The following AFF1 variants were observed in gnomAD, a reference collection of about 807,000 sequenced individuals.
The protein encoded by AFF1 is AF4/FMR2 family member 1.
Under a neutral mutation model 121.7 loss-of-function variants are expected in AFF1, and 48 were observed. That is an observed-to-expected ratio of 0.39 (90% CI 0.31 to 0.50). The LOEUF is 0.50. Among genes scored for constraint, AFF1 ranks in the 20% least tolerant of loss-of-function variants. The probability of loss-of-function intolerance (pLI) is 0.76; values close to 1 mark genes in which losing one functional copy is unlikely to be tolerated. For synonymous variants in AFF1, 613 were observed against 563.0 expected (o/e 1.09, Z -1.26); for missense variants, 1,523 against 1,511.7 (o/e 1.01, Z -0.12).
intron 2 of AFF1, among the ~76,000 whole-genome samples, chr4:87,016,692 A>G (rs1727335021): frequency 6.6e-6 from 1 of 152,170 alleles, no homozygotes; most frequent in Non-Finnish European, 1.5e-5. Context: ...CATACCTGGT[A>G]AGATCCCTCC....
At chr4:86,950,816 A>G (rs1721251367) in intron 2 of AFF1, among the ~76,000 whole-genome samples, 1 of 152,208 alleles carries the variant, frequency 6.6e-6, no homozygotes, top group Non-Finnish European at 1.5e-5. Context: ...AGGTTTATTC[A>G]TAATGTTGGG....
At chr4:87,001,645 G>A (rs762367503) in intron 2 of AFF1, among the ~76,000 whole-genome samples, 1 of 152,158 alleles carries the variant, frequency 6.6e-6, no homozygotes, top group Non-Finnish European at 1.5e-5. Context: ...AGAATCTCCA[G>A]GTAACCCCAG....
chr4:86,975,586 A>G (rs1374624377), intron 2 of AFF1, among the ~76,000 whole-genome samples: 1 of 152,180 alleles, frequency 6.6e-6, no homozygotes, highest in East Asian at 1.9e-4. Flanking sequence ...CAGTCCAACA[A>G]ATAGTTATTG....
At chr4:86,952,684 CAA>C (rs1721440228) in intron 2 of AFF1, among the ~76,000 whole-genome samples, 1 of 142,788 alleles carries the variant, frequency 7.0e-6, no homozygotes. Flanking sequence ...AACAAAAACA[CAA>C]CTTTTTTTTT....
At chr4:87,026,950 T>C (rs980659071) in intron 2 of AFF1, among the ~76,000 whole-genome samples, 1 of 152,186 alleles carries the variant, frequency 6.6e-6, no homozygotes, top group East Asian at 1.9e-4. Context: ...AAAAACACTT[T>C]GAAATATGAA....
intron 4 of AFF1, among the ~76,000 whole-genome samples, chr4:87,079,402 A>T (rs567206796): frequency 6.6e-6 from 1 of 152,358 alleles, no homozygotes; most frequent in African/African-American, 2.4e-5. Flanking sequence ...GTGAGAAATC[A>T]GGCCACGGCC....
In AFF1 at chr4:87,007,338, GC is replaced by G. The variant is rs923261079; in HGVS notation, c.39-38827del. The G allele has an allele frequency of 5.8e-5, 94 of 1,609,196 alleles. No individual in the cohort carries two copies. The Admixed American group carries it at 1.6e-3, about 27-fold the overall frequency. On this transcript the variant is annotated intron_variant, in intron 2 of 20. Transcript: ENST00000395146. ...CCGGCTCCGCCAAATGGTGAGCGCGGCGCTGGCAGCAGGGCCCGCGGGGTGA... is the reference window on the plus strand; with the variant it reads ...CCGGCTCCGCCAAATGGTGAGCGCGGGCTGGCAGCAGGGCCCGCGGGGTGA...
At chr4:87,007,928 G>A (rs186515357) in intron 2 of AFF1, among the ~76,000 whole-genome samples, 2 of 152,280 alleles carry the variant, frequency 1.3e-5, no homozygotes, top group African/African-American at 4.8e-5. Flanking sequence ...CCCCGCTTAC[G>A]TGAATCTGCT....
At chr4:87,126,875 C>T in intron 14 of AFF1, 151 bp from the exon 15 acceptor site, 1 of 650,508 alleles carries the variant, frequency 1.5e-6, no homozygotes, top group Non-Finnish European at 2.6e-6. Flanking sequence ...GAATCTGTAG[C>T]TGAGGAAGTG....
intron 4 of AFF1, among the ~76,000 whole-genome samples, chr4:87,053,747 C>T (rs1284933303): frequency 6.6e-6 from 1 of 152,214 alleles, no homozygotes. Context: ...TTCCAGTCCT[C>T]TTGGATCTTA....
Position 86,972,131 on chromosome 4 carries a change from C to CA in AFF1, c.38+23589dup, listed in dbSNP as rs59683267. On this transcript the variant is annotated intron_variant, in intron 2 of 20. Coordinates refer to ENST00000395146, the MANE Select transcript of AFF1 (RefSeq NM_001166693.3). ...ACCTGGGCAGAGCCAGAGCTTGTCT[C>CA]AAAAAAAAAAAAAAAAAAAAAAAAA... is the stretch of plus-strand genomic sequence containing the variant. 8.7e-3 allele frequency among the ~76,000 whole-genome samples: 505 copies of CA among 57,956 alleles called. 36 individuals carry two copies. The highest frequency in any genetic ancestry group is 0.054 in the East Asian group (80 of 1,486). The allele number at this position is 57,956 out of a possible 152,430, so 38.0% of individuals were successfully genotyped here.
intron 4 of AFF1, among the ~76,000 whole-genome samples, chr4:87,070,390 G>A (rs905657341): frequency 6.6e-6 from 1 of 152,202 alleles, no homozygotes. Context: ...ACCTGCCTCG[G>A]CCTCCCAAAA....
chr4:86,954,115 TCA>T (rs1471068344), intron 2 of AFF1, among the ~76,000 whole-genome samples: 1 of 152,230 alleles, frequency 6.6e-6, no homozygotes, highest in African/African-American at 2.4e-5. Flanking sequence ...TTAAAAGTCA[TCA>T]CTGTTCTGAC....
chr4:87,076,560 A>C (rs1722694001), intron 4 of AFF1, among the ~76,000 whole-genome samples: 1 of 152,234 alleles, frequency 6.6e-6, no homozygotes, highest in African/African-American at 2.4e-5. Flanking sequence ...AACTTAATGT[A>C]ATAATACTTT....
Position 87,131,820 on chromosome 4 carries a change from A to G in AFF1, c.3129A>G (p.Ser1043=). Residue 1043 remains serine (S), a synonymous_variant, in exon 18 of 21, where the codon TCA becomes TCG. Coordinates refer to ENST00000395146, the MANE Select transcript of AFF1 (RefSeq NM_001166693.3). ...TCATAATGTCATTAAAATCCTTCTCAGATGCCACAGCGCCAACACAAGAGA... is the reference window on the plus strand; with the variant it reads ...TCATAATGTCATTAAAATCCTTCTCGGATGCCACAGCGCCAACACAAGAGA... The part of the protein sequence containing the change: ...IKFIMSLKSF[S]DATAPTQEKI... 1 of 1,597,004 alleles carries G rather than the reference A, an allele frequency of 6.3e-7. No individual in the cohort carries two copies. Among genetic ancestry groups the G allele is most frequent in the South Asian group, 1.2e-5 (1 of 86,940 alleles).
At chr4:86,935,313 C>T (rs1176372414) in intron 1 of AFF1, 73 bp downstream of exon 1, 1 of 152,514 alleles carries the variant, frequency 6.6e-6, no homozygotes, top group African/African-American at 2.4e-5. Context: ...CCGCGGACTT[C>T]TCGGAAGCCG....
At chr4:87,126,580 T>C (rs1728270579) in intron 14 of AFF1, among the ~76,000 whole-genome samples, 1 of 152,224 alleles carries the variant, frequency 6.6e-6, no homozygotes, top group African/African-American at 2.4e-5. Context: ...AAATAGATTT[T>C]TGTGCTAGTT....
intron 4 of AFF1, among the ~76,000 whole-genome samples, chr4:87,065,983 T>C (rs2149665020): frequency 6.6e-6 from 1 of 152,336 alleles, no homozygotes; most frequent in South Asian, 2.1e-4. Context: ...TTATTAGATA[T>C]ATAGGTTCAA....
rs200864767 is a variant in AFF1 at position 87,047,227 on chromosome 4, C to T, written c.692C>T (p.Thr231Met). Residue 231 changes from threonine (T) to methionine (M), a missense_variant, in exon 4 of 21, where the codon ACG (threonine) becomes ATG (methionine). Physicochemically the swap from Thr to Met is moderately conservative, Grantham distance 81. Around this residue, in one of 5 missense-constraint regions of AFF1, gnomAD observed 369 missense variants for 367.2 expected, o/e 1.00. Transcript: ENST00000395146. ...TCCAACCAGCAAACTCTTCCCCGGA[C>T]GCAAGGAAGCAGCAAGGTTCATGGC... ...IHSNQQTLPR[T>M]QGSSKVHGSS... 216 of 1,614,046 alleles carry T rather than the reference C, an allele frequency of 1.3e-4. No individual in the cohort carries two copies. Among genetic ancestry groups the T allele is most frequent in the Middle Eastern group, 1.6e-4 (1 of 6,084 alleles).
Sources: gnomAD v4.1 joint callset for allele counts (sites outside exome capture counted in the v4.1 genomes callset) on GRCh38, gnomAD v4.1.1 for gene constraint, gnomAD v4.1.1 regional missense constraint, MANE v1.5 for transcripts, NCBI Gene and HGNC (gene_info 2026-07-23, HGNC 2026-07-21) for gene names.